Variants in CORO7 observed in about 807,000 individuals in gnomAD.
CORO7 encodes coronin 7.
CORO7 carries 107 observed loss-of-function variants against 126.6 expected under a neutral mutation model. That is an observed-to-expected ratio of 0.85 (90% CI 0.72 to 0.99). The LOEUF is 0.99. Among genes scored for constraint, CORO7 ranks in the 50% least tolerant of loss-of-function variants. CORO7 has a pLI of 0.00. For synonymous variants in CORO7, 603 were observed against 536.8 expected (o/e 1.12, Z -1.70); for missense variants, 1,314 against 1,255.8 (o/e 1.05, Z -0.70).
Position 4,362,689 on chromosome 16 carries a change from G to C in CORO7, c.1325C>G (p.Ser442Cys). 1.4e-6 allele frequency: 2 copies of C among 1,474,156 alleles called. No individual in the cohort carries two copies. The highest frequency in any genetic ancestry group is 1.8e-6 in the Non-Finnish European group (2 of 1,111,466). The allele number at this position is 1,474,156 out of a possible 1,614,324, so 91.3% of individuals were successfully genotyped here. A position where few individuals can be genotyped will look rare whatever the true frequency, so the allele number is the denominator to read the frequency against. Residue 442 changes from serine to cysteine, a missense_variant, in exon 15 of 28, where the codon TCC (serine) becomes TGC (cysteine). Ser to Cys is a moderately radical substitution (Grantham distance 112, BLOSUM62 -1). Transcript: ENST00000251166. The surrounding 1 kb of genome is among the most constrained non-coding windows in gnomAD (Gnocchi z 5.3). ...PSSLTSPSTP[S>C]SLGPSLSSTS... Reference sequence around the variant, plus strand: ...GCTGGAGAGTGAGGGCCCCAGGCTGGAGGGCGTGGAGGGCGAGGTCAGCGA... The same window carrying C: ...GCTGGAGAGTGAGGGCCCCAGGCTGCAGGGCGTGGAGGGCGAGGTCAGCGA...
At chr16:4,358,680 A>G (rs1261299155) in intron 23 of CORO7, among the ~76,000 whole-genome samples, 197 bp from the exon 24 acceptor site, 1 of 151,974 alleles carries the variant, frequency 6.6e-6, no homozygotes. Context: ...TCCTATTTCC[A>G]CAGTTTACAA....
At chr16:4,357,410 T>A (rs1426153173) in intron 25 of CORO7, 151 bp from the exon 26 acceptor site, 5 of 816,584 alleles carry the variant, frequency 6.1e-6, no homozygotes, top group Non-Finnish European at 9.1e-6. Context: ...CAGGCTGGAG[T>A]GCAATGATGT....
intron 7 of CORO7, among the ~76,000 whole-genome samples, chr16:4,393,817 A>G (rs2055481018): frequency 6.6e-6 from 1 of 152,192 alleles, no homozygotes; most frequent in Non-Finnish European, 1.5e-5. Flanking sequence ...ATGTAAATCC[A>G]TGGCCAGGAG....
rs566024609 is a variant in CORO7, at chr16:4,391,522, CTCCAGCCTGGGTG to C, written c.616-2904_616-2892del. Among the ~76,000 whole-genome samples the C allele has an allele frequency of 3.5e-3, 533 of 152,330 alleles. 5 individuals carry two copies. The highest frequency in any genetic ancestry group is 0.012 in the African/African-American group (511 of 41,576). ...AGTGAGCCGAGACTGTGCCCCTGTG[CTCCAGCCTGGGTG>C]ACAGAGCAAGACTCTATCTCAAAAA... On this transcript the variant is annotated intron_variant, in intron 7 of 27. Coordinates refer to ENST00000251166, the MANE Select transcript of CORO7 (RefSeq NM_024535.5).
At chr16:4,412,693 C>T (rs1374742405) in intron 2 of CORO7, 21 of 496,154 alleles carry the variant, frequency 4.2e-5, no homozygotes, top group Non-Finnish European at 7.1e-5. Context: ...ACGAAAGGGG[C>T]GTGGGGCTTT....
At chr16:4,402,609 G>A (rs942734621) in intron 6 of CORO7, among the ~76,000 whole-genome samples, 94 of 152,166 alleles carry the variant, frequency 6.2e-4, no homozygotes, top group African/African-American at 2.2e-3. Context: ...GCTGGGCGCT[G>A]GGGCTAAGGG....
chr16:4,391,503 C>A (rs1262703295), intron 7 of CORO7, among the ~76,000 whole-genome samples: 1 of 152,184 alleles, frequency 6.6e-6, no homozygotes, highest in Non-Finnish European at 1.5e-5. Flanking sequence ...TCGCAGTGAG[C>A]CGAGACTGTG....
chr16:4,391,636 CAGG>C, intron 7 of CORO7, among the ~76,000 whole-genome samples: 1 of 152,094 alleles, frequency 6.6e-6, no homozygotes, highest in Middle Eastern at 3.4e-3. Context: ...GAGGCTGACG[CAGG>C]AGGATTGCTT....
In CORO7 at chr16:4,388,170, G is replaced by A. The variant is rs2055262624; in HGVS notation, c.703-102C>T. 2.1e-6 allele frequency: 3 copies of A among 1,446,944 alleles called. No homozygotes were observed. The South Asian group carries it at 3.7e-5, about 18-fold the overall frequency. 89.6% of individuals were successfully genotyped at this position (1,446,944 alleles called of 1,614,324 possible). ...GCCTGAGGGTGCAGCCTGACACGGGGCACCTGCCCCAGAGCAGGGCTTGGA... is the reference window on the plus strand; with the variant it reads ...GCCTGAGGGTGCAGCCTGACACGGGACACCTGCCCCAGAGCAGGGCTTGGA... On this transcript the variant is annotated intron_variant, in intron 8 of 27. Coordinates refer to ENST00000251166, the MANE Select transcript of CORO7 (RefSeq NM_024535.5).
chr16:4,412,646 A>T (rs2056256452), intron 2 of CORO7: 1 of 559,370 alleles, frequency 1.8e-6, no homozygotes, highest in Non-Finnish European at 3.2e-6. Flanking sequence ...TACAGAAGAC[A>T]TTAGGCGAGA....
At position 4,366,211 on chromosome 16, in the gene CORO7, G is replaced by A. The variant is rs375989924; in HGVS notation, c.786-666C>T. On this transcript the variant is annotated intron_variant, in intron 9 of 27. Coordinates refer to ENST00000251166, the MANE Select transcript of CORO7 (RefSeq NM_024535.5). ...ACCCCAGGCCTGCTGCCCCGGCCGA[G>A]CCTGCCAGCAGCATGCTCCCAGGCC... Among the ~76,000 whole-genome samples the A allele has an allele frequency of 2.1e-3, 321 of 152,338 alleles. 2 individuals are homozygous for A. The highest frequency in any genetic ancestry group is 7.4e-3 in the African/African-American group (307 of 41,586).
intron 9 of CORO7, among the ~76,000 whole-genome samples, chr16:4,370,483 G>A (rs1305362202): frequency 6.6e-6 from 1 of 152,230 alleles, no homozygotes; most frequent in South Asian, 2.1e-4. Flanking sequence ...TGTTAGCAGT[G>A]CCTTCAAAGT....
At chr16:4,357,095 A>C (rs2053998889) in intron 26 of CORO7, 73 bp downstream of exon 26, 13 of 1,585,230 alleles carry the variant, frequency 8.2e-6, no homozygotes, top group Non-Finnish European at 1.1e-5. Flanking sequence ...TTGGGGATGG[A>C]GAACTAAGGG....
intron 9 of CORO7, chr16:4,381,000 C>A (rs760022725): frequency 6.2e-7 from 1 of 1,608,414 alleles, no homozygotes; most frequent in South Asian, 1.1e-5. Context: ...GCACTGCCCG[C>A]CAGGGGACCA....
chr16:4,416,405 G>T, intron 1 of CORO7, 54 bp downstream of exon 1: 1 of 1,503,434 alleles, frequency 6.7e-7, no homozygotes, highest in Non-Finnish European at 8.8e-7. Flanking sequence ...GCAGGGGGAG[G>T]GGCAGCCGGA....
chr16:4,398,422 G>T (rs1002886472), intron 6 of CORO7, among the ~76,000 whole-genome samples: 2 of 152,324 alleles, frequency 1.3e-5, no homozygotes, highest in African/African-American at 4.8e-5. Flanking sequence ...CCAGCACTTT[G>T]CGAAGCCAAG....
intron 9 of CORO7, chr16:4,382,893 C>T (rs1184667663): frequency 1.3e-6 from 2 of 1,516,492 alleles, no homozygotes; most frequent in Non-Finnish European, 8.8e-7. Flanking sequence ...CAAAGCCCTA[C>T]ATCTAAGCCA....
At chr16:4,413,511 G>A in intron 1 of CORO7, 107 bp from the exon 2 acceptor site, 1 of 992,798 alleles carries the variant, frequency 1.0e-6, no homozygotes, top group South Asian at 1.7e-5. Flanking sequence ...GCTCACAGCT[G>A]CACCATTCGA....
At chr16:4,364,248 G>A (rs773797171) in intron 14 of CORO7, 28 bp downstream of exon 14, 4 of 1,513,940 alleles carry the variant, frequency 2.6e-6, no homozygotes, top group Non-Finnish European at 3.5e-6. Flanking sequence ...TGTCGCTGAG[G>A]GAGGATGGGG....
Sources: gnomAD v4.1 joint callset for allele counts (sites outside exome capture counted in the v4.1 genomes callset) on GRCh38, gnomAD v4.1.1 for gene constraint, Gnocchi (gnomAD v3.1) non-coding constraint, MANE v1.5 for transcripts, NCBI Gene and HGNC (gene_info 2026-07-23, HGNC 2026-07-21) for gene names.